INTS6: variants seen among roughly 807,000 people sequenced by gnomAD.
INTS6 encodes the protein integrator complex subunit 6.
A neutral mutation model predicts 104.9 loss-of-function variants in INTS6; 16 were observed. The observed-to-expected ratio is 0.15, with a 90% confidence interval of 0.10 to 0.23. The LOEUF (loss-of-function observed/expected upper bound fraction) is 0.23, where lower values mean the gene tolerates loss of function less well. Ranked by LOEUF, INTS6 falls within the 10% of genes least tolerant of loss-of-function variation. The pLI is 1.00. For missense variants in INTS6, 584 were observed against 1,062.8 expected (o/e 0.55, Z 6.26); for synonymous variants, 324 against 358.7 (o/e 0.90, Z 1.09).
downstream of INTS6, among the ~76,000 whole-genome samples, chr13:51,353,170 C>T (rs1196096628): frequency 6.6e-6 from 1 of 152,100 alleles, no homozygotes; most frequent in Admixed American, 6.6e-5. Flanking sequence ...TCACTCTAAT[C>T]TTTTATAGTC....
At chr13:51,439,409 G>GT (rs1406407639) in intron 3 of INTS6, 1 of 151,912 alleles carries the variant, frequency 6.6e-6, no homozygotes, top group Non-Finnish European at 1.5e-5. Context: ...TAACTGTAAG[G>GT]TTTTTTAAGT....
chr13:51,348,231 C>T, the INTS6 span: 5 of 1,594,286 alleles, frequency 3.1e-6, no homozygotes, highest in Non-Finnish European at 3.4e-6. Flanking sequence ...CAGGACACTG[C>T]AGGCCATCAG....
chr13:51,395,322 T>C lies in INTS6; in HGVS notation c.591A>G (p.Thr197=). The C allele has an allele frequency of 6.2e-7, 1 of 1,607,226 alleles. No individual in the cohort carries two copies. Among genetic ancestry groups the C allele is most frequent in the Non-Finnish European group, 8.5e-7 (1 of 1,177,848 alleles). Residue 197 remains threonine (T), a synonymous_variant, in exon 5 of 18, where the codon ACA becomes ACG. Transcript: ENST00000311234. ...TACCGCCTGTCACTTCACACATTGGTGTGATTGCAGAGTCATCTAAAGGCA... is the reference window on the plus strand; with the variant it reads ...TACCGCCTGTCACTTCACACATTGGCGTGATTGCAGAGTCATCTAAAGGCA... ...TGVPLDDSAI[T]PMCEVTGGRS...
the INTS6 span, among the ~76,000 whole-genome samples, chr13:51,336,095 A>G: frequency 6.6e-6 from 1 of 152,240 alleles, no homozygotes; most frequent in Non-Finnish European, 1.5e-5. Context: ...AAAGTAAGTT[A>G]TTAACTTAGT....
chr13:51,423,154 A>T, intron 4 of INTS6: 4 of 695,878 alleles, frequency 5.7e-6, no homozygotes, highest in Non-Finnish European at 8.1e-6. Flanking sequence ...ATACACAGCC[A>T]AAGTAACTAT....
intron 6 of INTS6, among the ~76,000 whole-genome samples, chr13:51,388,979 T>C (rs898889237): frequency 2.0e-5 from 3 of 152,198 alleles, no homozygotes; most frequent in African/African-American, 7.2e-5. Flanking sequence ...CTGAACACTT[T>C]GGGAATTAAA....
At chr13:51,392,991 T>G (rs1956270837) in intron 5 of INTS6, among the ~76,000 whole-genome samples, 1 of 152,134 alleles carries the variant, frequency 6.6e-6, no homozygotes, top group African/African-American at 2.4e-5. Context: ...ACAGATGAAT[T>G]TTTTCCAACA....
chr13:51,344,483 C>T, the INTS6 span: 1 of 1,567,924 alleles, frequency 6.4e-7, no homozygotes, highest in Non-Finnish European at 8.7e-7. Flanking sequence ...AGAGAGACTG[C>T]AGGTAAAAGA....
At chr13:51,443,796 C>T (rs1190990507) in intron 3 of INTS6, 1 of 151,982 alleles carries the variant, frequency 6.6e-6, no homozygotes, top group African/African-American at 2.4e-5. Context: ...GGCCAAAAAT[C>T]ATTTTATATA....
intron 2 of INTS6, among the ~76,000 whole-genome samples, chr13:51,451,745 C>CGCT (rs1031126202): frequency 7.3e-5 from 11 of 149,888 alleles, no homozygotes; most frequent in Non-Finnish European, 1.3e-4. Context: ...CCGCCGCCGC[C>CGCT]GCTGCCGGGC....
the INTS6 span, among the ~76,000 whole-genome samples, chr13:51,345,438 C>T: frequency 6.6e-6 from 1 of 151,694 alleles, no homozygotes; most frequent in Non-Finnish European, 1.5e-5. Context: ...ACTAAAAATA[C>T]AAAAAATTAG....
the INTS6 span, chr13:51,347,128 GC>G: frequency 6.2e-7 from 1 of 1,613,598 alleles, no homozygotes; most frequent in South Asian, 1.1e-5. Flanking sequence ...AAGGCACTTG[GC>G]GAAAGAGATT....
intron 3 of INTS6, chr13:51,355,038 T>TTTAGG (rs1435991235): frequency 6.8e-7 from 1 of 1,470,056 alleles, no homozygotes; most frequent in African/African-American, 1.4e-5. Context: ...GTTTTTGCCT[T>TTTAGG]TTAGGTTTAG....
At chr13:51,386,511 C>T (rs1468812968) in intron 7 of INTS6, among the ~76,000 whole-genome samples, 3 of 152,204 alleles carry the variant, frequency 2.0e-5, no homozygotes, top group South Asian at 2.1e-4. Flanking sequence ...AAAACCTTAA[C>T]TTCATGCACT....
At chr13:51,420,080 T>C (rs7337450) in intron 4 of INTS6, among the ~76,000 whole-genome samples, 17,929 of 152,240 alleles carry the variant, frequency 0.12, 1,325 homozygotes, top group South Asian at 0.21. Flanking sequence ...GTTCACTATC[T>C]GGCCCTTCAA....
intron 2 of INTS6, chr13:51,451,426 T>C (rs1240265070): frequency 1.2e-5 from 3 of 259,158 alleles, no homozygotes; most frequent in Non-Finnish European, 1.4e-5. Context: ...TACTACCTAA[T>C]CTAATACCCA....
At chr13:51,439,202 A>G (rs909515148) in intron 3 of INTS6, 4 of 152,232 alleles carry the variant, frequency 2.6e-5, no homozygotes, top group African/African-American at 9.6e-5. Flanking sequence ...AAAGTTTTAT[A>G]GAAAATATAA....
At chr13:51,444,030 A>G (rs1431032621) in intron 3 of INTS6, 1 of 152,194 alleles carries the variant, frequency 6.6e-6, no homozygotes, top group Non-Finnish European at 1.5e-5. Flanking sequence ...CTATATCGAA[A>G]GAAAGTAAAA....
At chr13:51,383,078 C>T (rs1956081797) in intron 9 of INTS6, among the ~76,000 whole-genome samples, 1 of 148,740 alleles carries the variant, frequency 6.7e-6, no homozygotes, top group Admixed American at 6.7e-5. Context: ...GAGACTCCGT[C>T]CCCTCCCTCC....
Sources: gnomAD v4.1 joint callset for allele counts (sites outside exome capture counted in the v4.1 genomes callset) on GRCh38, gnomAD v4.1.1 for gene constraint, MANE v1.5 for transcripts, NCBI Gene and HGNC (gene_info 2026-07-23, HGNC 2026-07-21) for gene names.